ADAMTS9: variants seen among roughly 807,000 people sequenced by gnomAD.
ADAMTS9 encodes the protein ADAM metallopeptidase with thrombospondin type 1 motif 9.
A neutral mutation model predicts 257.1 loss-of-function variants in ADAMTS9; 107 were observed. The observed-to-expected ratio is 0.42, with a 90% CI of 0.36 to 0.49. The LOEUF (loss-of-function observed/expected upper bound fraction) is 0.49, where lower values mean the gene tolerates loss of function less well. Among genes scored for constraint, ADAMTS9 ranks in the 20% least tolerant of loss-of-function variants. ADAMTS9 has a pLI of 0.03. For missense variants in ADAMTS9, 2,353 were observed against 2,469.1 expected, an observed-to-expected ratio of 0.95 and a Z score of 1.00; for synonymous variants, 982 against 880.9, an observed-to-expected ratio of 1.11 and a Z score of -2.03.
Position 64,616,170 on chromosome 3 carries a change from C to T in ADAMTS9, c.2814G>A (p.Arg938=). 6.2e-7 allele frequency: 1 copy of T among 1,613,996 alleles called. No individual in the cohort carries two copies. The highest frequency in any genetic ancestry group is 8.5e-7 in the Non-Finnish European group (1 of 1,179,934). The part of the protein sequence containing the change: ...TEPCGTDCDL[R]WHVASRSECS... ...ATTCACTCCTGCTGGCAACATGCCA[C>T]CTATGCAAAAATAATGGGGCAAAAC... Residue 938 remains arginine, a splice_region_variant and synonymous_variant, in exon 20 of 40, where the codon AGG becomes AGA. Transcript: ENST00000498707.
At chr3:64,668,010 T>C (rs1701391383) in intron 3 of ADAMTS9, among the ~76,000 whole-genome samples, 1 of 152,180 alleles carries the variant, frequency 6.6e-6, no homozygotes, top group Admixed American at 6.5e-5. Flanking sequence ...AAAGTACCCT[T>C]TAGGAAATGT....
At chr3:64,571,430 T>A (rs1240038156) in intron 28 of ADAMTS9, among the ~76,000 whole-genome samples, 1 of 152,212 alleles carries the variant, frequency 6.6e-6, no homozygotes, top group Non-Finnish European at 1.5e-5. Flanking sequence ...AGTTAAATTA[T>A]CACCAACCTC....
chr3:64,661,479 C>T (rs926230734), intron 3 of ADAMTS9, among the ~76,000 whole-genome samples: 4 of 151,992 alleles, frequency 2.6e-5, no homozygotes, highest in African/African-American at 7.3e-5. Flanking sequence ...TGTATTTTCC[C>T]GATGAGGAAA....
chr3:64,686,521 C>T lies in ADAMTS9; in HGVS notation c.516+47G>A, dbSNP rs778078299. ...AGAGGACAATTAAGTCTTCTAGAAG[C>T]GGGCGAGGAGGCGGAAGGGGAGAGG... On this transcript the variant is annotated intron_variant, in intron 2 of 39. Coordinates refer to ENST00000498707, the MANE Select transcript of ADAMTS9 (RefSeq NM_182920.2). The surrounding 1 kb of genome is among the most constrained non-coding windows in gnomAD (Gnocchi z 4.6). 5.4e-5 allele frequency: 82 copies of T among 1,529,686 alleles called. 1 individual carries two copies. The South Asian group carries it at 6.6e-4, about 12-fold the overall frequency. 94.8% of individuals were successfully genotyped at this position (1,529,686 alleles called of 1,614,324 possible).
chr3:64,647,154 ATTGTATCC>A (rs1387562730), intron 11 of ADAMTS9, among the ~76,000 whole-genome samples: 1 of 152,222 alleles, frequency 6.6e-6, no homozygotes, highest in Non-Finnish European at 1.5e-5. Context: ...TCATTCAGAG[ATTGTATCC>A]TTGGTAAGTT....
Position 64,686,424 on chromosome 3 carries a change from C to A in ADAMTS9, c.516+144G>T, listed in dbSNP as rs1353537672. On this transcript the variant is annotated intron_variant, in intron 2 of 39. Transcript: ENST00000498707. This position sits in a 1 kb window ranked among gnomAD's most constrained non-coding sequence, Gnocchi z 4.6. ...CACGCACAGAGCTAGCTACCCAAACCATACGAGTTTCTAGCTGATATTTAA... is the reference window on the plus strand; with the variant it reads ...CACGCACAGAGCTAGCTACCCAAACAATACGAGTTTCTAGCTGATATTTAA... 1.7e-6 allele frequency: 2 copies of A among 1,201,478 alleles called. No homozygotes were observed. Among genetic ancestry groups the A allele is most frequent in the South Asian group, 3.2e-5 (2 of 62,372 alleles). The allele number at this position is 1,201,478 out of a possible 1,614,324, so 74.4% of individuals were successfully genotyped here. A position where few individuals can be genotyped will look rare whatever the true frequency, so the allele number is the denominator to read the frequency against.
chr3:64,668,619 A>T (rs1441785032), intron 3 of ADAMTS9, among the ~76,000 whole-genome samples: 1 of 152,200 alleles, frequency 6.6e-6, no homozygotes, highest in African/African-American at 2.4e-5. Context: ...CTTAGTCTAC[A>T]TAAAGTGTCG....
At chr3:64,636,426 C>G (rs1217367365) in intron 12 of ADAMTS9, among the ~76,000 whole-genome samples, 1 of 152,080 alleles carries the variant, frequency 6.6e-6, no homozygotes, top group Non-Finnish European at 1.5e-5. Flanking sequence ...CTTGCCAAGC[C>G]TCCGTTTGCT....
Position 64,594,222 on chromosome 3 carries a change from A to G in ADAMTS9, c.4356+36T>C, listed in dbSNP as rs184376675. The G allele has an allele frequency of 1.0e-5, 16 of 1,585,058 alleles. No homozygotes were observed. The African/African-American group carries it at 1.6e-4, about 16-fold the overall frequency. On this transcript the variant is annotated intron_variant, in intron 28 of 39. Transcript: ENST00000498707. Reference sequence around the variant, plus strand: ...GCCCCAGAATACCTTGGAATTAGATAGTTTGGTTAACAAACATGAATAGTT... The same window carrying G: ...GCCCCAGAATACCTTGGAATTAGATGGTTTGGTTAACAAACATGAATAGTT...
At chr3:64,534,610 T>C (rs994032902) in intron 37 of ADAMTS9, among the ~76,000 whole-genome samples, 1 of 152,194 alleles carries the variant, frequency 6.6e-6, no homozygotes, top group African/African-American at 2.4e-5. Context: ...GTTCCATAAA[T>C]ATTGACTAAC....
rs1485026227 is a variant in ADAMTS9 at position 64,561,391 on chromosome 3, TA to T, written c.4698+186del. ...AATACAGACAGACGTAGGAATTGCT[TA>T]AAAACAAGAAGTTCTCCCACCCTTG... On this transcript the variant is annotated intron_variant, in intron 30 of 39. Transcript: ENST00000498707. 9.8e-6 allele frequency: 5 copies of T among 509,298 alleles called. No individual in the cohort carries two copies. The Admixed American group carries it at 1.9e-4, about 19-fold the overall frequency. 31.5% of individuals were successfully genotyped at this position (509,298 alleles called of 1,614,324 possible).
At position 64,541,381 on chromosome 3, in the gene ADAMTS9, T is replaced by C; in HGVS notation, c.5326A>G (p.Lys1776Glu). 2 of 1,614,150 alleles carry C rather than the reference T, an allele frequency of 1.2e-6. No individual in the cohort carries two copies. The highest frequency in any genetic ancestry group is 1.7e-6 in the Non-Finnish European group (2 of 1,180,016). ...FCAGMHSDHP[K>E]EYVTLVHGDS... ...CCATGCACCAGTGTCACGTACTCTT[T>C]GGGGTGGTCAGAGTGCATCCCCGCA... Residue 1776 changes from lysine (K) to glutamate (E), a missense_variant, in exon 35 of 40, where the codon AAA becomes GAA. This residue lies in a region of ADAMTS9 where 1,402 missense variants were observed against 1,441.4 expected (regional missense o/e 0.97). Coordinates refer to ENST00000498707, the MANE Select transcript of ADAMTS9 (RefSeq NM_182920.2).
intron 31 of ADAMTS9, chr3:64,550,028 C>A (rs1344365212): frequency 3.3e-5 from 5 of 151,744 alleles, no homozygotes; most frequent in African/African-American, 4.9e-5. Flanking sequence ...TACTGTGAGT[C>A]CAGATGCCTC....
intron 32 of ADAMTS9, among the ~76,000 whole-genome samples, chr3:64,545,926 C>T (rs543420570): frequency 5.3e-5 from 8 of 152,210 alleles, no homozygotes; most frequent in South Asian, 4.2e-4. Flanking sequence ...TGAGAGCTGC[C>T]TGGTCCAGAG....
chr3:64,545,912 A>T (rs2083191564), intron 32 of ADAMTS9, among the ~76,000 whole-genome samples: 1 of 152,118 alleles, frequency 6.6e-6, no homozygotes, highest in Non-Finnish European at 1.5e-5. Flanking sequence ...CAACTTTTCA[A>T]GACTGAGAGC....
intron 11 of ADAMTS9, among the ~76,000 whole-genome samples, chr3:64,645,864 C>T (rs577420103): frequency 6.6e-6 from 1 of 152,276 alleles, no homozygotes; most frequent in African/African-American, 2.4e-5. Flanking sequence ...TCCCGAAGCT[C>T]CCCATCCCTC....
chr3:64,643,116 T>A (rs955840008), intron 11 of ADAMTS9, among the ~76,000 whole-genome samples: 5 of 152,172 alleles, frequency 3.3e-5, no homozygotes, highest in Non-Finnish European at 5.9e-5. Context: ...ATGTTCTGCA[T>A]CTGAACCCTG....
Position 64,539,310 on chromosome 3 carries a change from G to C in ADAMTS9, c.5522-16C>G, listed in dbSNP as rs1390581211. On this transcript the variant is annotated splice_polypyrimidine_tract_variant and intron_variant, in intron 36 of 39. Coordinates refer to ENST00000498707, the MANE Select transcript of ADAMTS9 (RefSeq NM_182920.2). ...AAGTCAGTGGCTGTGGGGTGGAGAA[G>C]GGGTTAAAGGCAGGGGAAGGTAAGA... The C allele has an allele frequency of 6.2e-7, 1 of 1,606,968 alleles. No homozygotes were observed. The highest frequency in any genetic ancestry group is 8.5e-7 in the Non-Finnish European group (1 of 1,173,684).
chr3:64,519,134 T>C (rs2106864876), intron 39 of ADAMTS9, among the ~76,000 whole-genome samples: 1 of 152,288 alleles, frequency 6.6e-6, no homozygotes, highest in Admixed American at 6.5e-5. Context: ...TCCTCATATG[T>C]AAAATAGCAG....
Sources: gnomAD v4.1 joint callset for allele counts (sites outside exome capture counted in the v4.1 genomes callset) on GRCh38, gnomAD v4.1.1 for gene constraint, gnomAD v4.1.1 regional missense constraint, Gnocchi (gnomAD v3.1) non-coding constraint, MANE v1.5 for transcripts, NCBI Gene and HGNC (gene_info 2026-07-23, HGNC 2026-07-21) for gene names.